The following SEPTIN10 variants were observed in gnomAD, a reference collection of about 807,000 sequenced individuals.
The protein encoded by SEPTIN10 is septin-10.
In SEPTIN10, 66 loss-of-function variants were observed where a neutral mutation model predicts 54.8. The ratio of observed to expected loss-of-function variants is 1.21; its 90% CI spans 0.99 to 1.48. SEPTIN10 has a LOEUF of 1.48. Among genes scored for constraint, SEPTIN10 ranks in the 40% most tolerant of loss-of-function variants. SEPTIN10 has a pLI of 0.00. For missense variants in SEPTIN10, 620 were observed against 545.6 expected, an observed-to-expected ratio of 1.14 and a Z score of -1.36; for synonymous variants, 161 against 181.0, an observed-to-expected ratio of 0.89 and a Z score of 0.89.
intron 6 of SEPTIN10, 45 bp from the exon 7 acceptor site, chr2:109,565,904 C>G: frequency 6.9e-7 from 1 of 1,457,086 alleles, no homozygotes; most frequent in African/African-American, 1.4e-5. Context: ...ACTGTGATAA[C>G]TGACTAGATA....
intron 1 of SEPTIN10, 192 bp downstream of exon 1, chr2:109,613,606 G>C (rs887604577): frequency 1.6e-4 from 51 of 315,264 alleles, no homozygotes; most frequent in Admixed American, 3.1e-4. Context: ...GCCGCGCCCA[G>C]GCTCCGCAGA....
chr2:109,558,962 T>C (rs1338526512), intron 8 of SEPTIN10, among the ~76,000 whole-genome samples: 1 of 152,000 alleles, frequency 6.6e-6, no homozygotes, highest in East Asian at 1.9e-4. Flanking sequence ...CTCAGCTCAC[T>C]GCAGCCTCCA....
At chr2:109,567,568 C>T (rs1052634614) in intron 6 of SEPTIN10, among the ~76,000 whole-genome samples, 4 of 152,148 alleles carry the variant, frequency 2.6e-5, no homozygotes, top group Non-Finnish European at 5.9e-5. Context: ...ATCCCAGTCT[C>T]ACAAATCTAT....
chr2:109,596,690 T>G (rs766212761), intron 1 of SEPTIN10, among the ~76,000 whole-genome samples: 6 of 152,174 alleles, frequency 3.9e-5, no homozygotes, highest in Non-Finnish European at 7.3e-5. Flanking sequence ...AAATATAGGT[T>G]AAATTTCTGT....
In SEPTIN10 at chr2:109,546,237, G is replaced by T. The variant is rs758268447; in HGVS notation, c.1162C>A (p.Leu388Ile). 1 of 1,538,416 alleles carries T rather than the reference G, an allele frequency of 6.5e-7. No individual in the cohort carries two copies. The highest frequency in any genetic ancestry group is 2.3e-5 in the East Asian group (1 of 42,698). ...TTAAGGTGCTCAAATTTGGCCTGTA[G>T]CTGGAAACAAAAGTGCAATCCCCAC... is the stretch of plus-strand genomic sequence containing the variant. ...EAILKEAERELQAKFEHLKRL... is the reference protein window; with the variant it reads ...EAILKEAEREIQAKFEHLKRL... The change falls in exon 10 of 11, where the codon CTA (leucine) becomes ATA (isoleucine). Residue 388 changes from leucine to isoleucine, a missense_variant and splice_region_variant. Leu to Ile is a conservative substitution (Grantham distance 5, BLOSUM62 2). Transcript: ENST00000397712.
At chr2:109,574,305 G>C (rs1371496545) in intron 5 of SEPTIN10, among the ~76,000 whole-genome samples, 2 of 151,792 alleles carry the variant, frequency 1.3e-5, no homozygotes, top group African/African-American at 4.8e-5. Context: ...AGTTAGCTGG[G>C]TGTGGTAGTA....
At position 109,613,804 on chromosome 2, in the gene SEPTIN10, C is replaced by A; in HGVS notation, c.24G>T (p.Arg8=). Residue 8 remains arginine (R), a synonymous_variant, in exon 1 of 11, where the codon CGG becomes CGT. Coordinates refer to ENST00000397712, the MANE Select transcript of SEPTIN10 (RefSeq NM_144710.5). ...CGGCGTCGGCGGGACTCACCAGGTG[C>A]CGCGCCACCTCGGAGGAGGCCATGG... is the stretch of plus-strand genomic sequence containing the variant. The part of the protein sequence containing the change: MASSEVA[R]HLLFQSHMAT... 1 of 1,232,608 alleles carries A rather than the reference C, an allele frequency of 8.1e-7. No individual in the cohort carries two copies. Among genetic ancestry groups the A allele is most frequent in the Non-Finnish European group, 1.0e-6 (1 of 988,504 alleles). The allele number at this position is 1,232,608 out of a possible 1,614,324, so 76.4% of individuals were successfully genotyped here.
intron 1 of SEPTIN10, chr2:109,613,542 A>T: frequency 4.0e-6 from 1 of 248,592 alleles, no homozygotes. Flanking sequence ...GAAGTCGTTC[A>T]AGAACTCTCC....
rs1253548134 is a variant in SEPTIN10, at chr2:109,552,991, T to C, written c.1161+96A>G. 7 of 1,402,782 alleles carry C rather than the reference T, an allele frequency of 5.0e-6. No individual in the cohort carries two copies. In the Admixed American group the frequency reaches 1.4e-4, roughly 28 times the overall value. 86.9% of individuals were successfully genotyped at this position (1,402,782 alleles called of 1,614,324 possible). On this transcript the variant is annotated intron_variant, in intron 9 of 10. Transcript: ENST00000397712. ...GCTACTCTTTAAAGAACAAGTAGCC[T>C]ACAAAAGAGTCTCAAGCAAATTCTT...
chr2:109,563,880 C>T (rs906115443), intron 8 of SEPTIN10, among the ~76,000 whole-genome samples: 2 of 151,942 alleles, frequency 1.3e-5, no homozygotes, highest in African/African-American at 2.4e-5. Context: ...CAAAGCTTTG[C>T]GAGGCTGAGG....
chr2:109,559,103 C>A (rs1482154570), intron 8 of SEPTIN10, among the ~76,000 whole-genome samples: 1 of 152,144 alleles, frequency 6.6e-6, no homozygotes, highest in Non-Finnish European at 1.5e-5. Flanking sequence ...CCAGGCTGGT[C>A]TTGAACTCCT....
intron 10 of SEPTIN10, chr2:109,545,565 CA>C: frequency 6.5e-7 from 1 of 1,535,498 alleles, no homozygotes; most frequent in Non-Finnish European, 8.7e-7. Flanking sequence ...AAAATTCTCA[CA>C]AAATCAGTAT....
chr2:109,594,694 A>T (rs890362580), intron 1 of SEPTIN10: 1 of 152,238 alleles, frequency 6.6e-6, no homozygotes, highest in African/African-American at 2.4e-5. Context: ...CCTCACCGTG[A>T]TCCTCTGTGC....
intron 1 of SEPTIN10, among the ~76,000 whole-genome samples, chr2:109,607,527 C>T (rs1346097814): frequency 6.6e-6 from 1 of 152,146 alleles, no homozygotes; most frequent in Non-Finnish European, 1.5e-5. Flanking sequence ...CTCACCAAAG[C>T]TCAACCTTAT....
At chr2:109,577,912 CAAAAAAAAAAAA>C (rs745439822) in intron 4 of SEPTIN10, among the ~76,000 whole-genome samples, 3 of 92,344 alleles carry the variant, frequency 3.2e-5, no homozygotes, top group Admixed American at 1.3e-4. Flanking sequence ...GACTTTGTCT[CAAAAAAAAAAAA>C]AAAAAAAAAA....
chr2:109,562,764 A>C (rs1160963672), intron 8 of SEPTIN10, among the ~76,000 whole-genome samples: 1 of 152,172 alleles, frequency 6.6e-6, no homozygotes, highest in Non-Finnish European at 1.5e-5. Context: ...GTCTCCTCTG[A>C]GAAACACTAG....
At chr2:109,579,115 G>A (rs750159701) in intron 4 of SEPTIN10, among the ~76,000 whole-genome samples, 1 of 152,100 alleles carries the variant, frequency 6.6e-6, no homozygotes, top group Non-Finnish European at 1.5e-5. Context: ...AGATGATGAA[G>A]ACAATAAAAA....
rs148660313 is a variant in SEPTIN10 at position 109,549,897 on chromosome 2, C to T, written c.1161+3190G>A. Among the ~76,000 whole-genome samples, 727 of 152,162 alleles carry T rather than the reference C, an allele frequency of 4.8e-3. 2 individuals are homozygous for T. Among genetic ancestry groups the T allele is most frequent in the Middle Eastern group, 0.017 (5 of 294 alleles). ...ATATCTTATTGTAGTATTTTCAGAC[C>T]GTAGTTGACCATGGGTAACTGAAAC... On this transcript the variant is annotated intron_variant, in intron 9 of 10. Coordinates refer to ENST00000397712, the MANE Select transcript of SEPTIN10 (RefSeq NM_144710.5).
chr2:109,607,297 C>A (rs1371341902), intron 1 of SEPTIN10, among the ~76,000 whole-genome samples: 1 of 152,064 alleles, frequency 6.6e-6, no homozygotes, highest in Non-Finnish European at 1.5e-5. Context: ...TTGAATGCCT[C>A]ATTTAACTTA....
Sources: allele counts gnomAD v4.1 joint callset (sites outside exome capture counted in the v4.1 genomes callset), GRCh38; gene constraint gnomAD v4.1.1; transcripts MANE v1.5; gene names NCBI Gene and HGNC (gene_info 2026-07-23, HGNC 2026-07-21).